Variants in TCF4 observed in about 807,000 individuals in gnomAD.
TCF4 encodes transcription factor 4.
In TCF4, 3 loss-of-function variants were observed where a neutral mutation model predicts 82.1. The ratio of observed to expected loss-of-function variants is 0.04; its 90% CI spans 0.02 to 0.09. The LOEUF is 0.09. TCF4 is among the 10% of genes least tolerant of loss of function. TCF4 has a pLI of 1.00. For synonymous variants in TCF4, 276 were observed against 309.6 expected (o/e 0.89, Z 1.14); for missense variants, 518 against 852.7 (o/e 0.61, Z 4.89).
chr18:55,621,524 T>TATAATA (rs71169308), intron 2 of TCF4, among the ~76,000 whole-genome samples: 1 of 13,848 alleles, frequency 7.2e-5, no homozygotes, highest in African/African-American at 2.8e-4. Context: ...TTATATAATA[T>TATAATA]TATATAATAT....
intron 8 of TCF4, among the ~76,000 whole-genome samples, chr18:55,346,264 T>C (rs148107394): frequency 2.8e-4 from 42 of 152,300 alleles, no homozygotes; most frequent in African/African-American, 1.0e-3. Context: ...TAATATCTAA[T>C]ACACATTGTT....
At chr18:55,285,832 G>A (rs374686210) in intron 8 of TCF4, among the ~76,000 whole-genome samples, 1 of 152,202 alleles carries the variant, frequency 6.6e-6, no homozygotes, top group East Asian at 1.9e-4. Flanking sequence ...GCTAGTGGGA[G>A]GGGCAAGTTC....
chr18:55,498,209 C>T (rs776767776), intron 3 of TCF4, among the ~76,000 whole-genome samples: 4 of 152,162 alleles, frequency 2.6e-5, no homozygotes, highest in East Asian at 1.9e-4. Context: ...GGGCTGGGTC[C>T]GGGGTTAAGC....
intron 3 of TCF4, chr18:55,551,737 G>A (rs1423096338): frequency 6.6e-6 from 1 of 152,112 alleles, no homozygotes; most frequent in East Asian, 1.9e-4. Flanking sequence ...ATATGCTTCA[G>A]AATATCTCGT....
chr18:55,550,939 T>C (rs988233888), intron 3 of TCF4: 3 of 152,018 alleles, frequency 2.0e-5, no homozygotes, highest in Admixed American at 2.0e-4. Flanking sequence ...CACATCCTCA[T>C]GTTATTCTTT....
chr18:55,313,940 T>TC (rs541065382), intron 8 of TCF4, among the ~76,000 whole-genome samples: 8 of 151,784 alleles, frequency 5.3e-5, no homozygotes, highest in South Asian at 2.1e-4. Flanking sequence ...GACATTTCCC[T>TC]CCCCCCCTTA....
intron 8 of TCF4, chr18:55,322,086 T>C (rs1320886319): frequency 1.8e-6 from 2 of 1,105,882 alleles, no homozygotes; most frequent in Non-Finnish European, 2.2e-6. Flanking sequence ...TTTTTCTTTT[T>C]CTTTTCTTTT....
chr18:55,358,891 T>C (rs934984897), intron 6 of TCF4, among the ~76,000 whole-genome samples: 1 of 152,206 alleles, frequency 6.6e-6, no homozygotes, highest in Non-Finnish European at 1.5e-5. Context: ...CTACCCATGG[T>C]AAGAATTCAG....
intron 5 of TCF4, among the ~76,000 whole-genome samples, chr18:55,439,667 G>T (rs147341924): frequency 1.3e-5 from 2 of 152,174 alleles, no homozygotes; most frequent in African/African-American, 4.8e-5. Flanking sequence ...TGGGTAACTC[G>T]AAAAGAACTT....
chr18:55,538,024 GCGCACACACACACACACACACA>G (rs1300825304), intron 3 of TCF4, among the ~76,000 whole-genome samples: 17 of 125,710 alleles, frequency 1.4e-4, no homozygotes, highest in Middle Eastern at 3.9e-3. Context: ...GTCTGCGCGC[GCGCACACACACACACACACACA>G]CACACACACA....
chr18:55,231,672 G>T (rs561443700), intron 17 of TCF4: 2 of 152,326 alleles, frequency 1.3e-5, no homozygotes, highest in African/African-American at 2.4e-5. Context: ...GGGTTATCTA[G>T]AAGTATTCGG....
chr18:55,304,967 G>A (rs116152883), intron 8 of TCF4, among the ~76,000 whole-genome samples: 116 of 152,198 alleles, frequency 7.6e-4, no homozygotes, highest in African/African-American at 2.7e-3. Flanking sequence ...CTGTCAAGCA[G>A]CAAAGGAAGC....
intron 6 of TCF4, among the ~76,000 whole-genome samples, chr18:55,390,951 C>T (rs1428344825): frequency 1.3e-5 from 2 of 152,220 alleles, no homozygotes; most frequent in Non-Finnish European, 2.9e-5. Flanking sequence ...GCGAGTCTTA[C>T]GTGGTCGCTA....
intron 15 of TCF4, among the ~76,000 whole-genome samples, chr18:55,249,210 A>C (rs80091637): frequency 0.013 from 2,013 of 152,298 alleles, 41 homozygotes; most frequent in African/African-American, 0.046. Flanking sequence ...AACTAACTGA[A>C]GTTGTTTGTC....
At chr18:55,321,801 C>T in intron 8 of TCF4, 1 of 1,511,504 alleles carries the variant, frequency 6.6e-7, no homozygotes, top group Non-Finnish European at 8.9e-7. Context: ...ACTCGCTGTC[C>T]CTTTTTTCAC....
At chr18:55,429,006 CTAAT>C (rs1437226373) in intron 5 of TCF4, among the ~76,000 whole-genome samples, 2 of 152,042 alleles carry the variant, frequency 1.3e-5, no homozygotes, top group Non-Finnish European at 1.5e-5. Flanking sequence ...GGGAAAAAAA[CTAAT>C]TAAGCAAAAC....
chr18:55,321,983 T>C (rs1489540394), intron 8 of TCF4: 3 of 1,291,626 alleles, frequency 2.3e-6, no homozygotes, highest in Non-Finnish European at 2.9e-6. Flanking sequence ...CTCGAAATCC[T>C]AATGCATACG....
intron 5 of TCF4, among the ~76,000 whole-genome samples, chr18:55,421,486 C>T (rs1466790275): frequency 6.6e-6 from 1 of 152,120 alleles, no homozygotes; most frequent in East Asian, 1.9e-4. Flanking sequence ...TTTATTTATG[C>T]TGGGCTAGCA....
chr18:55,573,723 C>A (rs2097500043), intron 3 of TCF4, among the ~76,000 whole-genome samples: 1 of 152,188 alleles, frequency 6.6e-6, no homozygotes, highest in Admixed American at 6.5e-5. Context: ...GATCAGATAT[C>A]CCTATTGCAA....
Sources: gnomAD v4.1 joint callset for allele counts (sites outside exome capture counted in the v4.1 genomes callset) on GRCh38, gnomAD v4.1.1 for gene constraint, MANE v1.5 for transcripts, NCBI Gene and HGNC (gene_info 2026-07-23, HGNC 2026-07-21) for gene names.